Variants in GLMN observed in about 807,000 individuals in gnomAD.
GLMN encodes the protein glomulin, FKBP associated protein, also known as glomulin.
Under a neutral mutation model 87.8 loss-of-function variants are expected in GLMN, and 75 were observed. That is an observed-to-expected ratio of 0.85 (90% CI 0.71 to 1.04). GLMN has a LOEUF of 1.04. Among genes scored for constraint, GLMN ranks in the 50% least tolerant of loss-of-function variants. The probability of loss-of-function intolerance (pLI) is 0.00; values close to 1 mark genes in which losing one functional copy is unlikely to be tolerated. For synonymous variants in GLMN, 206 were observed against 221.6 expected (o/e 0.93, Z 0.63); for missense variants, 588 against 658.8 (o/e 0.89, Z 1.18).
chr1:92,255,856 G>C (rs1215563990), intron 16 of GLMN, among the ~76,000 whole-genome samples: 2 of 152,028 alleles, frequency 1.3e-5, no homozygotes, highest in African/African-American at 2.4e-5. Context: ...AAAAGAAATA[G>C]AGAGGCAAAA....
chr1:92,283,332 C>T (rs905608201), intron 7 of GLMN, among the ~76,000 whole-genome samples: 3 of 152,244 alleles, frequency 2.0e-5, no homozygotes, highest in South Asian at 2.1e-4. Flanking sequence ...AATCAATAAA[C>T]GTAATCTATC....
At chr1:92,333,413 T>A in the GLMN span, 1 of 1,613,572 alleles carries the variant, frequency 6.2e-7, no homozygotes, top group South Asian at 1.1e-5. Flanking sequence ...TTTCCACTGA[T>A]AGACTCAAGT....
chr1:92,267,952 G>A lies in GLMN; in HGVS notation c.1059C>T (p.Tyr353=). The change falls in exon 11 of 19, where the codon TAC becomes TAT. Residue 353 remains tyrosine (Y), a synonymous_variant. Transcript: ENST00000370360. ...GAAAACTCTTGATTTCTAAGTACTGGTAAAGTAGACTATTGTCTTCTATTC... is the reference window on the plus strand; with the variant it reads ...GAAAACTCTTGATTTCTAAGTACTGATAAAGTAGACTATTGTCTTCTATTC... ...LLRIEDNSLL[Y]QYLEIKSFLT... is the part of the protein sequence containing the mutation. 1 of 1,555,378 alleles carries A rather than the reference G, an allele frequency of 6.4e-7. No homozygotes were observed. The highest frequency in any genetic ancestry group is 8.9e-7 in the Non-Finnish European group (1 of 1,126,764).
the GLMN span, among the ~76,000 whole-genome samples, chr1:92,352,333 C>T: frequency 3.3e-5 from 5 of 152,334 alleles, no homozygotes; most frequent in South Asian, 8.3e-4. Flanking sequence ...CATCACTGGA[C>T]ATAGGCAGCC....
chr1:92,350,897 A>C, the GLMN span, among the ~76,000 whole-genome samples: 2 of 152,056 alleles, frequency 1.3e-5, no homozygotes, highest in Admixed American at 6.6e-5. Flanking sequence ...GCACCACTGC[A>C]CTCCAGCCTG....
At chr1:92,250,906 G>T (rs1653396308) in intron 16 of GLMN, among the ~76,000 whole-genome samples, 1 of 152,090 alleles carries the variant, frequency 6.6e-6, no homozygotes, top group Non-Finnish European at 1.5e-5. Flanking sequence ...AAGATATATA[G>T]TGATATAAAG....
At chr1:92,289,358 G>T (rs1480515909) in intron 5 of GLMN, among the ~76,000 whole-genome samples, 1 of 152,102 alleles carries the variant, frequency 6.6e-6, no homozygotes, top group Non-Finnish European at 1.5e-5. Flanking sequence ...TGCTGTTTAG[G>T]TTATGTTTAT....
chr1:92,360,335 T>C, the GLMN span, among the ~76,000 whole-genome samples: 78 of 152,262 alleles, frequency 5.1e-4, no homozygotes, highest in African/African-American at 1.8e-3. Context: ...TACAGAATGA[T>C]AGGAGTGGAG....
At chr1:92,260,675 T>C (rs1328638544) in intron 16 of GLMN, among the ~76,000 whole-genome samples, 2 of 150,388 alleles carry the variant, frequency 1.3e-5, no homozygotes, top group Non-Finnish European at 3.0e-5. Flanking sequence ...GGAGGATTGT[T>C]TGAGCTGGGG....
At chr1:92,335,285 T>C in the GLMN span, among the ~76,000 whole-genome samples, 1 of 152,128 alleles carries the variant, frequency 6.6e-6, no homozygotes, top group Non-Finnish European at 1.5e-5. Context: ...GTAGCAAAAA[T>C]TAAGAAATTG....
chr1:92,264,562 A>C lies in GLMN; in HGVS notation c.1291T>G (p.Ser431Ala), dbSNP rs1655399485. ...IQNIKNQIDM[S>A]LKRTRNNKWF... ...TTTGGCTATGTTCTTACCTTTAATG[A>C]CATGTCAATTTGATTTTTGATATTT... is the stretch of plus-strand genomic sequence containing the variant. Residue 431 changes from serine to alanine, a missense_variant, in exon 14 of 19, where the codon TCA (serine) becomes GCA (alanine). Transcript: ENST00000370360. 1 of 1,503,212 alleles carries C rather than the reference A, an allele frequency of 6.7e-7. No individual in the cohort carries two copies. Among genetic ancestry groups the C allele is most frequent in the East Asian group, 2.3e-5 (1 of 44,246 alleles). The allele number at this position is 1,503,212 out of a possible 1,614,324, so 93.1% of individuals were successfully genotyped here. A position where few individuals can be genotyped will look rare whatever the true frequency, so the allele number is the denominator to read the frequency against.
At position 92,246,496 on chromosome 1, in the gene GLMN, T is replaced by C. The variant is rs184930411; in HGVS notation, c.*34A>G. ...AAATGAATCATAATGGAAAGTACTA[T>C]ATTTTATTAGTTTTTATTTAGGAAA... On this transcript the variant is annotated 3_prime_UTR_variant, in exon 19 of 19. Coordinates refer to ENST00000370360, the MANE Select transcript of GLMN (RefSeq NM_053274.3). The C allele has an allele frequency of 9.4e-5, 87 of 925,916 alleles. No individual in the cohort carries two copies. The African/African-American group carries it at 1.3e-3, about 14-fold the overall frequency. The allele number at this position is 925,916 out of a possible 1,614,324, so 57.4% of individuals were successfully genotyped here. A position where few individuals can be genotyped will look rare whatever the true frequency, so the allele number is the denominator to read the frequency against.
rs1438426962 is a variant in GLMN at position 92,288,988 on chromosome 1, AG to A, written c.557del (p.Pro186LeufsTer19). On this transcript the variant is annotated frameshift_variant, in exon 6 of 19. Coordinates refer to ENST00000370360, the MANE Select transcript of GLMN (RefSeq NM_053274.3). LOFTEE classifies it high-confidence loss of function. ...CCKALIEFTK[P>X]FVEEVIDNKE... The stretch of plus-strand genomic sequence containing the variant: ...TGTTATCAATGACTTCTTCCACAAA[AG>A]GCTTAGTGAACTCTATTAAGGCCTT... 2 of 1,612,748 alleles carry A rather than the reference AG, an allele frequency of 1.2e-6. No homozygotes were observed. Among genetic ancestry groups the A allele is most frequent in the Non-Finnish European group, 1.7e-6 (2 of 1,178,750 alleles).
chr1:92,348,116 C>T, the GLMN span, among the ~76,000 whole-genome samples: 26 of 152,152 alleles, frequency 1.7e-4, no homozygotes, highest in African/African-American at 5.5e-4. Flanking sequence ...GTCTCGAACT[C>T]CTGACCTTGT....
intron 16 of GLMN, among the ~76,000 whole-genome samples, chr1:92,255,946 C>G (rs931445082): frequency 6.6e-6 from 1 of 152,048 alleles, no homozygotes; most frequent in African/African-American, 2.4e-5. Flanking sequence ...GCAAAAAACC[C>G]TTCAAAAAAA....
rs533017473 is a variant in GLMN at position 92,277,958 on chromosome 1, C to A, written c.736-6306G>T. ...AGGTAAAACATCCTAGGGCTTGAGA[C>A]TGGCATTGGAAGGGGGGGCAGTCTT... On this transcript the variant is annotated intron_variant, in intron 7 of 18. Transcript: ENST00000370360. Among the ~76,000 whole-genome samples the A allele has an allele frequency of 1.2e-4, 19 of 152,234 alleles. 1 individual carries two copies. The East Asian group carries it at 3.7e-3, about 29-fold the overall frequency.
At chr1:92,333,488 G>A in the GLMN span, 2 of 1,560,222 alleles carry the variant, frequency 1.3e-6, no homozygotes. Context: ...GTATGTAATT[G>A]CCATTCCAGC....
chr1:92,259,231 C>T (rs991300583), intron 16 of GLMN, among the ~76,000 whole-genome samples: 2 of 151,772 alleles, frequency 1.3e-5, no homozygotes, highest in African/African-American at 2.4e-5. Context: ...TATTGTAATT[C>T]GAAACAACTA....
chr1:92,280,185 G>A (rs1013054415), intron 7 of GLMN, among the ~76,000 whole-genome samples: 7 of 152,206 alleles, frequency 4.6e-5, no homozygotes, highest in Non-Finnish European at 8.8e-5. Flanking sequence ...CCCGCGTAGC[G>A]TGATTGGGAA....
Sources: gnomAD v4.1 joint callset for allele counts (sites outside exome capture counted in the v4.1 genomes callset) on GRCh38, gnomAD v4.1.1 for gene constraint, MANE v1.5 for transcripts, NCBI Gene and HGNC (gene_info 2026-07-23, HGNC 2026-07-21) for gene names.